The following OPA3 variants were observed in gnomAD, a reference collection of about 807,000 sequenced individuals.
OPA3 encodes outer mitochondrial membrane lipid metabolism regulator OPA3, also known as optic atrophy 3 protein.
OPA3 carries 6 observed loss-of-function variants against 4.0 expected under a neutral mutation model. The ratio of observed to expected loss-of-function variants is 1.51; its 90% CI spans 0.83 to 2.99. The LOEUF (loss-of-function observed/expected upper bound fraction) is 2.99, where lower values mean the gene tolerates loss of function less well. Ranked by LOEUF, OPA3 falls within the 30% of genes most tolerant of loss-of-function variation. The pLI is 0.00. For missense variants in OPA3, 235 were observed against 256.2 expected (o/e 0.92, Z 0.56); for synonymous variants, 105 against 117.1 (o/e 0.90, Z 0.67).
At chr19:45,574,960 T>C (rs1348382603) in intron 1 of OPA3, among the ~76,000 whole-genome samples, 2 of 152,074 alleles carry the variant, frequency 1.3e-5, no homozygotes, top group East Asian at 3.9e-4. Flanking sequence ...CCAGTCCCAG[T>C]GCCAGTTCCA....
intron 1 of OPA3, among the ~76,000 whole-genome samples, chr19:45,555,769 G>C (rs1245233916): frequency 6.6e-6 from 1 of 152,096 alleles, no homozygotes; most frequent in Admixed American, 6.6e-5. Flanking sequence ...GGGATTACAG[G>C]CGTGAGCCAC....
chr19:45,584,206 T>C lies in OPA3; in HGVS notation c.142+417A>G, dbSNP rs577177833. On this transcript the variant is annotated intron_variant, in intron 1 of 1. Transcript: ENST00000263275. ...GCACCTCCTAGATCAGTGGGGAAAC[T>C]GAGGCACACGGTGCCGCTTTTGAAA... 2.3e-5 allele frequency: 7 copies of C among 308,442 alleles called. 1 individual carries two copies. Among genetic ancestry groups the C allele is most frequent in the Admixed American group, 1.3e-4 (2 of 15,468 alleles). The allele number at this position is 308,442 out of a possible 1,614,324, so 19.1% of individuals were successfully genotyped here. A position where few individuals can be genotyped will look rare whatever the true frequency, so the allele number is the denominator to read the frequency against.
chr19:45,571,587 A>G (rs199818457), intron 1 of OPA3, among the ~76,000 whole-genome samples: 2 of 151,768 alleles, frequency 1.3e-5, no homozygotes, highest in Non-Finnish European at 2.9e-5. Context: ...GCCATATAAT[A>G]TAACTGATGT....
rs752520539 is a variant in OPA3 at position 45,552,123 on chromosome 19, C to T, written c.*1391G>A. 25 of 985,330 alleles carry T rather than the reference C, an allele frequency of 2.5e-5. No homozygotes were observed. The highest frequency in any genetic ancestry group is 2.7e-5 in the Non-Finnish European group (22 of 829,964). The allele number at this position is 985,330 out of a possible 1,614,324, so 61.0% of individuals were successfully genotyped here. A position where few individuals can be genotyped will look rare whatever the true frequency, so the allele number is the denominator to read the frequency against. On this transcript the variant is annotated 3_prime_UTR_variant, in exon 2 of 2. Coordinates refer to ENST00000263275, the MANE Select transcript of OPA3 (RefSeq NM_025136.4). ...ATTCCAGTGGGTTGTGCCATAGACTCAAGGATGAGGGGGTTCTGTTGGAAT... is the reference window on the plus strand; with the variant it reads ...ATTCCAGTGGGTTGTGCCATAGACTTAAGGATGAGGGGGTTCTGTTGGAAT...
At chr19:45,544,777 A>G (rs1203857465), downstream of OPA3, among the ~76,000 whole-genome samples, 1 of 144,102 alleles carries the variant, frequency 6.9e-6, no homozygotes, top group Non-Finnish European at 1.5e-5. Context: ...CTGGGCAACA[A>G]GAGCAAAACT....
At chr19:45,530,223 G>A (rs1293015840) in intron 1 of OPA3, among the ~76,000 whole-genome samples, 3 of 152,090 alleles carry the variant, frequency 2.0e-5, no homozygotes, top group African/African-American at 7.2e-5. Flanking sequence ...GCGTGATAGC[G>A]CGTGCCTCTA....
At chr19:45,532,989 T>G (rs560689792) in intron 1 of OPA3, among the ~76,000 whole-genome samples, 12 of 152,096 alleles carry the variant, frequency 7.9e-5, no homozygotes, top group African/African-American at 2.9e-4. Context: ...CCTCCCAGGC[T>G]CAAGCGATTC....
chr19:45,563,154 A>G (rs547072160), intron 1 of OPA3, among the ~76,000 whole-genome samples: 12 of 152,068 alleles, frequency 7.9e-5, no homozygotes, highest in African/African-American at 2.9e-4. Context: ...ATAGTGTATG[A>G]TAACAATTTT....
At position 45,550,993 on chromosome 19, in the gene OPA3, C is replaced by A. The variant is rs1050439889; in HGVS notation, c.*2521G>T. The A allele has an allele frequency of 4.1e-6, 4 of 981,250 alleles. No homozygotes were observed. The highest frequency in any genetic ancestry group is 4.7e-5 in the South Asian group (1 of 21,196). The allele number at this position is 981,250 out of a possible 1,614,324, so 60.8% of individuals were successfully genotyped here. A position where few individuals can be genotyped will look rare whatever the true frequency, so the allele number is the denominator to read the frequency against. On this transcript the variant is annotated 3_prime_UTR_variant, in exon 2 of 2. Transcript: ENST00000263275. ...ACTTTTTTTCTGAGAAAGGGTCTCA[C>A]TCTGTCATCCAGGCTGGAGTGTAGT...
chr19:45,529,555 T>G, intron 1 of OPA3: 1 of 1,444,814 alleles, frequency 6.9e-7, no homozygotes, highest in Non-Finnish European at 9.7e-7. Context: ...AATGGGGATG[T>G]GGTCACCACA....
chr19:45,527,806 CTGACAGTCGATT>C (rs1435064134), exon 2 of OPA3: 2 of 152,310 alleles, frequency 1.3e-5, no homozygotes, highest in Non-Finnish European at 2.9e-5. Flanking sequence ...TTAGAAAACG[CTGACAGTCGATT>C]TATAAAGTAG....
downstream of OPA3, among the ~76,000 whole-genome samples, chr19:45,545,692 TCATATGTA>T (rs1969240726): frequency 6.6e-6 from 1 of 150,498 alleles, no homozygotes; most frequent in Non-Finnish European, 1.5e-5. Flanking sequence ...AATACATACA[TCATATGTA>T]CATGCTTTTC....
rs1394749477 is a variant in OPA3 at position 45,552,252 on chromosome 19, G to C, written c.*1262C>G. 1 of 976,732 alleles carries C rather than the reference G, an allele frequency of 1.0e-6. No homozygotes were observed. Among genetic ancestry groups the C allele is most frequent in the Non-Finnish European group, 1.2e-6 (1 of 822,214 alleles). The allele number at this position is 976,732 out of a possible 1,614,324, so 60.5% of individuals were successfully genotyped here. On this transcript the variant is annotated 3_prime_UTR_variant, in exon 2 of 2. Coordinates refer to ENST00000263275, the MANE Select transcript of OPA3 (RefSeq NM_025136.4). ...AAGATGGAGTTTTGCTCGTTACCCA[G>C]GCTGGCATGCAATTGCGCAATCTCG...
rs564625690 is a variant in OPA3, at chr19:45,567,198, G to A, written c.143-13287C>T. Among the ~76,000 whole-genome samples, 8 of 151,950 alleles carry A rather than the reference G, an allele frequency of 5.3e-5. No individual in the cohort carries two copies. The South Asian group carries it at 1.5e-3, about 28-fold the overall frequency. Reference sequence around the variant, plus strand: ...TACAAAAAATAAAATAAATTAGCCGGGCATGGTGGCATGTGCCTGTGGTCC... The same window carrying A: ...TACAAAAAATAAAATAAATTAGCCGAGCATGGTGGCATGTGCCTGTGGTCC... On this transcript the variant is annotated intron_variant, in intron 1 of 1. Coordinates refer to ENST00000263275, the MANE Select transcript of OPA3 (RefSeq NM_025136.4).
rs757829968 is a variant in OPA3, at chr19:45,553,547, G to A, written c.507C>T (p.Ser169=). Residue 169 remains serine, a synonymous_variant, in exon 2 of 2, where the codon TCC becomes TCT. Transcript: ENST00000263275. The stretch of plus-strand genomic sequence containing the variant: ...TGGACGCAGGCACTGCGTGGGAAGC[G>A]GACCGGCCGGGATTGCAGAGCTGGG... ...VRAQLCNPGR[S]ASHAVPASKK The A allele has an allele frequency of 1.9e-6, 3 of 1,613,230 alleles. No homozygotes were observed. The highest frequency in any genetic ancestry group is 1.3e-5 in the African/African-American group (1 of 74,950).
chr19:45,576,096 G>A (rs766684999), intron 1 of OPA3, among the ~76,000 whole-genome samples: 2 of 151,962 alleles, frequency 1.3e-5, no homozygotes, highest in Non-Finnish European at 2.9e-5. Flanking sequence ...TAGGGCATGC[G>A]CCTGTAATCC....
At chr19:45,572,605 A>G (rs1220744781) in intron 1 of OPA3, among the ~76,000 whole-genome samples, 3 of 97,628 alleles carry the variant, frequency 3.1e-5, no homozygotes, top group East Asian at 5.9e-4. Flanking sequence ...ATTGATATAT[A>G]TCATATATAT....
Position 45,546,618 on chromosome 19 carries a change from C to T in OPA3, c.*6896G>A, listed in dbSNP as rs1015642963. 2 of 158,114 alleles carry T rather than the reference C, an allele frequency of 1.3e-5. No individual in the cohort carries two copies. The highest frequency in any genetic ancestry group is 6.6e-5 in the Admixed American group (1 of 15,218). 9.8% of individuals were successfully genotyped at this position (158,114 alleles called of 1,614,324 possible). A position where few individuals can be genotyped will look rare whatever the true frequency, so the allele number is the denominator to read the frequency against. ...TCAAGCGATCCTCCTGCCTCAGCCC[C>T]CCAAGTAGCTGGGACTACAGGTGTG... is the stretch of plus-strand genomic sequence containing the variant. On this transcript the variant is annotated 3_prime_UTR_variant, in exon 2 of 2. Transcript: ENST00000263275.
downstream of OPA3, among the ~76,000 whole-genome samples, chr19:45,543,748 T>A (rs1292922797): frequency 1.3e-5 from 2 of 152,212 alleles, no homozygotes; most frequent in Non-Finnish European, 2.9e-5. Flanking sequence ...ATTACAGGTG[T>A]GAACACTGCA....
Sources: allele counts gnomAD v4.1 joint callset (sites outside exome capture counted in the v4.1 genomes callset), GRCh38; gene constraint gnomAD v4.1.1; transcripts MANE v1.5; gene names NCBI Gene and HGNC (gene_info 2026-07-23, HGNC 2026-07-21).